Variants in SYNE1 observed in about 807,000 individuals in gnomAD.
SYNE1 encodes spectrin repeat containing nuclear envelope protein 1.
Under a neutral mutation model 1,111.0 loss-of-function variants are expected in SYNE1, and 616 were observed. The ratio of observed to expected loss-of-function variants is 0.55; its 90% CI spans 0.52 to 0.59. The LOEUF is 0.59. Among genes scored for constraint, SYNE1 ranks in the 20% least tolerant of loss-of-function variants. The probability of loss-of-function intolerance (pLI) is 0.00; values close to 1 mark genes in which losing one functional copy is unlikely to be tolerated. For missense variants in SYNE1, 10,006 were observed against 10,417.0 expected, an observed-to-expected ratio of 0.96 and a Z score of 1.72; for synonymous variants, 3,855 against 3,825.8, an observed-to-expected ratio of 1.01 and a Z score of -0.28.
intron 98 of SYNE1, among the ~76,000 whole-genome samples, chr6:152,271,450 C>A (rs753864379): frequency 2.0e-5 from 3 of 152,014 alleles, no homozygotes; most frequent in Admixed American, 1.3e-4. Flanking sequence ...GGTAGAACAA[C>A]GGGGGTGCAA....
At chr6:152,630,699 C>T (rs2099696499) in intron 2 of SYNE1, among the ~76,000 whole-genome samples, 1 of 152,172 alleles carries the variant, frequency 6.6e-6, no homozygotes, top group Non-Finnish European at 1.5e-5. Context: ...AAGACATTCA[C>T]TTCATTTCAG....
intron 101 of SYNE1, among the ~76,000 whole-genome samples, chr6:152,260,777 C>T (rs2091877504): frequency 6.6e-6 from 1 of 151,890 alleles, no homozygotes; most frequent in Non-Finnish European, 1.5e-5. Flanking sequence ...ATAATAGAAG[C>T]ATGCAACCTA....
intron 6 of SYNE1, among the ~76,000 whole-genome samples, chr6:152,513,770 A>G (rs1401081945): frequency 6.6e-6 from 1 of 152,328 alleles, no homozygotes; most frequent in East Asian, 1.9e-4. Flanking sequence ...AAGGAACTTA[A>G]ACAAATTTAC....
chr6:152,482,955 A>T, intron 14 of SYNE1, 130 bp downstream of exon 14: 2 of 1,011,478 alleles, frequency 2.0e-6, no homozygotes, highest in South Asian at 2.6e-5. Context: ...AACTCTAAGA[A>T]GGTGTGACGT....
intron 6 of SYNE1, among the ~76,000 whole-genome samples, chr6:152,518,436 C>T (rs984071650): frequency 2.6e-5 from 4 of 151,810 alleles, no homozygotes; most frequent in African/African-American, 9.7e-5. Flanking sequence ...TGCAGCACCT[C>T]GCCCCTTGCT....
At chr6:152,464,896 C>A in intron 18 of SYNE1, 1 of 326,122 alleles carries the variant, frequency 3.1e-6, no homozygotes. Context: ...GCGTATGCTA[C>A]CACATAGATC....
chr6:152,215,321 T>C (rs2078376699), intron 121 of SYNE1, among the ~76,000 whole-genome samples: 1 of 152,210 alleles, frequency 6.6e-6, no homozygotes, highest in Non-Finnish European at 1.5e-5. Context: ...GTGTATTCTG[T>C]TATTTACTTG....
intron 3 of SYNE1, among the ~76,000 whole-genome samples, chr6:152,622,616 C>T (rs1371996633): frequency 6.6e-6 from 1 of 152,144 alleles, no homozygotes; most frequent in East Asian, 1.9e-4. Flanking sequence ...TTTATGGCTG[C>T]ATAGTATTCC....
intron 44 of SYNE1, among the ~76,000 whole-genome samples, chr6:152,407,429 T>G (rs2097917296): frequency 6.6e-6 from 1 of 152,262 alleles, no homozygotes; most frequent in African/African-American, 2.4e-5. Flanking sequence ...TGCATTTTCA[T>G]TTGTAAATTG....
At chr6:152,338,055 C>T (rs2096444715) in intron 75 of SYNE1, among the ~76,000 whole-genome samples, 1 of 151,664 alleles carries the variant, frequency 6.6e-6, no homozygotes, top group Non-Finnish European at 1.5e-5. Flanking sequence ...GGTTGAGGCA[C>T]AAGAATTGCT....
Position 152,322,017 on chromosome 6 carries a change from C to A in SYNE1, c.15918-131G>T, listed in dbSNP as rs2095879486. The A allele has an allele frequency of 4.4e-6, 4 of 903,532 alleles. No individual in the cohort carries two copies. In the South Asian group the frequency reaches 5.8e-5, roughly 13 times the overall value. 56.0% of individuals were successfully genotyped at this position (903,532 alleles called of 1,614,324 possible). Reference sequence around the variant, plus strand: ...TTTTTTGAAAGAAAAGACACTTCCTCAACACTGTTAAATAACACTGCAGTT... The same window carrying A: ...TTTTTTGAAAGAAAAGACACTTCCTAAACACTGTTAAATAACACTGCAGTT... On this transcript the variant is annotated intron_variant, in intron 82 of 145. Transcript: ENST00000367255.
Position 152,502,065 on chromosome 6 carries a change from T to A in SYNE1, c.888+568A>T, listed in dbSNP as rs114888127. Among the ~76,000 whole-genome samples, 605 of 152,260 alleles carry A rather than the reference T, an allele frequency of 4.0e-3. 4 individuals carry two copies. The highest frequency in any genetic ancestry group is 0.014 in the African/African-American group (573 of 41,558). Reference sequence around the variant, plus strand: ...TCAAATACAGAAAATTTTTTCCTTTTCCTTTTTTTCTTGATTTAAAAAATT... The same window carrying A: ...TCAAATACAGAAAATTTTTTCCTTTACCTTTTTTTCTTGATTTAAAAAATT... On this transcript the variant is annotated intron_variant, in intron 10 of 145. Coordinates refer to ENST00000367255, the MANE Select transcript of SYNE1 (RefSeq NM_182961.4).
At chr6:152,158,700 T>C (rs966692241) in intron 131 of SYNE1, among the ~76,000 whole-genome samples, 1 of 152,120 alleles carries the variant, frequency 6.6e-6, no homozygotes, top group Non-Finnish European at 1.5e-5. Context: ...TAAAGACAAA[T>C]AATTCTGTAA....
chr6:152,480,565 T>A (rs935002562), intron 14 of SYNE1, among the ~76,000 whole-genome samples: 4 of 152,210 alleles, frequency 2.6e-5, no homozygotes, highest in Admixed American at 6.5e-5. Context: ...AAAGCTTAGC[T>A]TATTATAGGC....
intron 117 of SYNE1, among the ~76,000 whole-genome samples, chr6:152,222,851 G>A (rs1378641082): frequency 6.6e-6 from 1 of 152,196 alleles, no homozygotes; most frequent in Non-Finnish European, 1.5e-5. Context: ...ATAATGCACT[G>A]TATATGTCAA....
intron 32 of SYNE1, among the ~76,000 whole-genome samples, chr6:152,437,925 A>T (rs543495474): frequency 3.0e-4 from 46 of 152,334 alleles, no homozygotes; most frequent in South Asian, 1.5e-3. Context: ...TTCTCATAGA[A>T]ATATCACGAG....
intron 12 of SYNE1, among the ~76,000 whole-genome samples, chr6:152,485,975 T>A (rs1209612219): frequency 6.6e-6 from 1 of 152,062 alleles, no homozygotes; most frequent in Non-Finnish European, 1.5e-5. Flanking sequence ...GGCGGGCGGA[T>A]CATGAGGTCA....
intron 6 of SYNE1, among the ~76,000 whole-genome samples, chr6:152,514,829 A>G (rs1336109419): frequency 4.6e-5 from 7 of 152,134 alleles, no homozygotes; most frequent in Admixed American, 1.3e-4. Flanking sequence ...TTGCCTCCAA[A>G]ACGCTGACAA....
Position 152,439,104 on chromosome 6 carries a change from A to T in SYNE1, c.4149+2026T>A, listed in dbSNP as rs189417308. ...TTAAAGGCGATGATAAACATCAAAT[A>T]ATTAATTCGGCATATTATATGTGTT... On this transcript the variant is annotated intron_variant, in intron 32 of 145. Transcript: ENST00000367255. Among the ~76,000 whole-genome samples the T allele has an allele frequency of 1.0e-3, 158 of 152,320 alleles. 1 individual carries two copies. Among genetic ancestry groups the T allele is most frequent in the Admixed American group, 7.0e-3 (107 of 15,290 alleles).
Sources: allele counts gnomAD v4.1 joint callset (sites outside exome capture counted in the v4.1 genomes callset), GRCh38; gene constraint gnomAD v4.1.1; transcripts MANE v1.5; gene names NCBI Gene and HGNC (gene_info 2026-07-23, HGNC 2026-07-21).